The following ZNF827 variants were observed in gnomAD, a reference collection of about 807,000 sequenced individuals.
ZNF827 encodes zinc finger protein 827.
ZNF827 carries 13 observed loss-of-function variants against 102.4 expected under a neutral mutation model. The ratio of observed to expected loss-of-function variants is 0.13; its 90% CI spans 0.08 to 0.20. The LOEUF is 0.20. ZNF827 is among the 10% of genes least tolerant of loss of function. ZNF827 has a pLI of 1.00. For synonymous variants in ZNF827, 523 were observed against 536.2 expected, an observed-to-expected ratio of 0.98 and a Z score of 0.34; for missense variants, 1,103 against 1,344.4, an observed-to-expected ratio of 0.82 and a Z score of 2.81.
intron 11 of ZNF827, among the ~76,000 whole-genome samples, chr4:145,769,960 G>A (rs1735992615): frequency 6.6e-6 from 1 of 152,136 alleles, no homozygotes; most frequent in Non-Finnish European, 1.5e-5. Context: ...AACAAAGTAA[G>A]CACTTCTACT....
intron 1 of ZNF827, among the ~76,000 whole-genome samples, chr4:145,934,164 T>C (rs1042709975): frequency 2.0e-5 from 3 of 152,188 alleles, no homozygotes; most frequent in African/African-American, 7.2e-5. Flanking sequence ...AGGCTGTATC[T>C]CGTGTAATAA....
At chr4:145,822,615 A>C (rs2126487394) in intron 8 of ZNF827, among the ~76,000 whole-genome samples, 1 of 151,870 alleles carries the variant, frequency 6.6e-6, no homozygotes, top group South Asian at 2.1e-4. Flanking sequence ...TGCTGCTGAG[A>C]TCCTCTCCAC....
intron 1 of ZNF827, among the ~76,000 whole-genome samples, chr4:145,911,629 T>C (rs1369386479): frequency 6.6e-6 from 1 of 152,194 alleles, no homozygotes; most frequent in Admixed American, 6.5e-5. Flanking sequence ...TGAATTATTT[T>C]ACAGATGGAA....
intron 5 of ZNF827, among the ~76,000 whole-genome samples, chr4:145,867,583 G>T (rs1748316211): frequency 6.6e-6 from 1 of 152,202 alleles, no homozygotes; most frequent in African/African-American, 2.4e-5. Context: ...ATAAGTAACA[G>T]AGAAGAAAAT....
chr4:145,861,502 C>T (rs908482567), intron 5 of ZNF827, among the ~76,000 whole-genome samples: 1 of 152,186 alleles, frequency 6.6e-6, no homozygotes, highest in Non-Finnish European at 1.5e-5. Context: ...TCGTCATCAT[C>T]AAATCGTATT....
At chr4:145,935,206 C>A (rs1206246665) in intron 1 of ZNF827, among the ~76,000 whole-genome samples, 1 of 152,148 alleles carries the variant, frequency 6.6e-6, no homozygotes, top group East Asian at 1.9e-4. Flanking sequence ...AAACAGTACT[C>A]CAGTGAAAAA....
At position 145,870,323 on chromosome 4, in the gene ZNF827, G is replaced by A; in HGVS notation, c.1903C>T (p.Pro635Ser). The change falls in exon 5 of 15, where the codon CCC (proline) becomes TCC (serine). Residue 635 changes from proline to serine, a missense_variant. This residue lies in a region of ZNF827 where 243 missense variants were observed against 251.6 expected (regional missense o/e 0.97). Coordinates refer to ENST00000508784, the MANE Select transcript of ZNF827 (RefSeq NM_001306215.2). ...AGCACACTTCCCTTCCCTTCCTGGG[G>A]CTTTAGTGCGTCCTCAGAGACGCCT... ...APGVSEDALK[P>S]QEGKGSVLRR... 6.2e-7 allele frequency: 1 copy of A among 1,614,080 alleles called. No homozygotes were observed. Among genetic ancestry groups the A allele is most frequent in the Non-Finnish European group, 8.5e-7 (1 of 1,180,004 alleles).
intron 3 of ZNF827, among the ~76,000 whole-genome samples, chr4:145,888,879 G>A (rs953860844): frequency 6.6e-6 from 1 of 152,182 alleles, no homozygotes; most frequent in Non-Finnish European, 1.5e-5. Context: ...TCCACAGCGG[G>A]TGATAAAAAC....
intron 7 of ZNF827, among the ~76,000 whole-genome samples, chr4:145,836,502 C>A (rs1350988432): frequency 2.6e-5 from 4 of 152,100 alleles, no homozygotes; most frequent in African/African-American, 9.7e-5. Context: ...CTTCCTCATA[C>A]CTGACGCATA....
intron 4 of ZNF827, among the ~76,000 whole-genome samples, chr4:145,872,527 C>T (rs113843681): frequency 6.6e-5 from 10 of 152,196 alleles, no homozygotes; most frequent in Admixed American, 3.3e-4. Flanking sequence ...TTTTGTTACG[C>T]GGTATTTAGT....
At chr4:145,795,365 CT>C (rs1740270516) in intron 8 of ZNF827, among the ~76,000 whole-genome samples, 2 of 152,174 alleles carry the variant, frequency 1.3e-5, no homozygotes, top group Non-Finnish European at 2.9e-5. Context: ...CCAGGCTGGT[CT>C]CGAACTCCTG....
At chr4:145,828,962 CTCATCTACTTAAAAT>C (rs1743936817) in intron 7 of ZNF827, among the ~76,000 whole-genome samples, 2 of 152,182 alleles carry the variant, frequency 1.3e-5, no homozygotes, top group Non-Finnish European at 2.9e-5. Context: ...GAAGAGAAGG[CTCATCTACTTAAAAT>C]CAACCCTCCC....
At chr4:145,927,660 G>A (rs1408055952) in intron 1 of ZNF827, among the ~76,000 whole-genome samples, 3 of 152,136 alleles carry the variant, frequency 2.0e-5, no homozygotes, top group African/African-American at 7.2e-5. Context: ...ATCCCATGTA[G>A]ATTTCACAGA....
rs1447153206 is a variant in ZNF827, at chr4:145,863,694, A to C, written c.1981+6551T>G. ...ACGTCCAGAATGGACAAAACTATTG[A>C]AACAGTAGATTCATGGTTGCCTGGG... is the stretch of plus-strand genomic sequence containing the variant. On this transcript the variant is annotated intron_variant, in intron 5 of 14. Coordinates refer to ENST00000508784, the MANE Select transcript of ZNF827 (RefSeq NM_001306215.2). Among the ~76,000 whole-genome samples the C allele has an allele frequency of 1.2e-4, 18 of 146,158 alleles. No individual in the cohort carries two copies. The Admixed American group carries it at 1.3e-3, about 11-fold the overall frequency.
chr4:145,928,877 C>T (rs1006466610), intron 1 of ZNF827, among the ~76,000 whole-genome samples: 5 of 152,004 alleles, frequency 3.3e-5, no homozygotes, highest in African/African-American at 4.8e-5. Context: ...ACATGGTGGC[C>T]GAGTGGCAGG....
intron 5 of ZNF827, among the ~76,000 whole-genome samples, chr4:145,859,814 C>T (rs960259881): frequency 7.9e-5 from 12 of 152,158 alleles, no homozygotes; most frequent in African/African-American, 2.4e-4. Flanking sequence ...CAGTTACACA[C>T]AGGACTGATA....
rs150759201 is a variant in ZNF827, at chr4:145,878,212, A to G, written c.1747+7466T>C. Among the ~76,000 whole-genome samples the G allele has an allele frequency of 4.3e-4, 66 of 152,268 alleles. 2 individuals carry two copies. The East Asian group carries it at 9.8e-3, about 23-fold the overall frequency. On this transcript the variant is annotated intron_variant, in intron 4 of 14. Coordinates refer to ENST00000508784, the MANE Select transcript of ZNF827 (RefSeq NM_001306215.2). ...TGAAATGGCTACGATTCCCCCCTCC[A>G]AAGGCCCACCTCTTTACAGTGTGAC...
intron 4 of ZNF827, among the ~76,000 whole-genome samples, chr4:145,882,958 C>A (rs994066793): frequency 6.6e-5 from 10 of 152,130 alleles, no homozygotes; most frequent in African/African-American, 2.2e-4. Context: ...TGGGATTTGG[C>A]CTTTTTGTCC....
At chr4:145,889,102 T>C (rs1021972217) in intron 3 of ZNF827, among the ~76,000 whole-genome samples, 7 of 152,226 alleles carry the variant, frequency 4.6e-5, no homozygotes, top group African/African-American at 1.7e-4. Context: ...TTCTTGGTGA[T>C]GGGATTAAGG....
Sources: gnomAD v4.1 joint callset for allele counts (sites outside exome capture counted in the v4.1 genomes callset) on GRCh38, gnomAD v4.1.1 for gene constraint, gnomAD v4.1.1 regional missense constraint, MANE v1.5 for transcripts, NCBI Gene and HGNC (gene_info 2026-07-23, HGNC 2026-07-21) for gene names.